Variants in LAMA2 observed in about 807,000 individuals in gnomAD.
The protein encoded by LAMA2 is laminin subunit alpha 2.
A neutral mutation model predicts 364.8 loss-of-function variants in LAMA2; 269 were observed. The ratio of observed to expected loss-of-function variants is 0.74; its 90% CI spans 0.67 to 0.82. LAMA2 has a LOEUF of 0.82. Among genes scored for constraint, LAMA2 ranks in the 40% least tolerant of loss-of-function variants. The probability of loss-of-function intolerance (pLI) is 0.00; values close to 1 mark genes in which losing one functional copy is unlikely to be tolerated. For synonymous variants in LAMA2, 1,379 were observed against 1,370.6 expected, an observed-to-expected ratio of 1.01 and a Z score of -0.14; for missense variants, 3,807 against 3,873.2, an observed-to-expected ratio of 0.98 and a Z score of 0.45.
intron 12 of LAMA2, among the ~76,000 whole-genome samples, chr6:129,202,319 T>C (rs1782355781): frequency 1.3e-5 from 2 of 151,988 alleles, no homozygotes; most frequent in Admixed American, 1.3e-4. Flanking sequence ...CTAAAACTTA[T>C]ATGCTGGAAC....
chr6:129,069,879 A>C (rs1021642407), intron 3 of LAMA2, among the ~76,000 whole-genome samples: 1 of 150,008 alleles, frequency 6.7e-6, no homozygotes, highest in African/African-American at 2.4e-5. Context: ...TGTATTAGCT[A>C]TATGTATTTA....
chr6:129,494,079 C>T lies in LAMA2; in HGVS notation c.8244+1596C>T, dbSNP rs1416285469. On this transcript the variant is annotated intron_variant, in intron 58 of 64. Transcript: ENST00000421865. ...TTCAATACACATACCTGAATTGTTT[C>T]TTCCACAGGCTATGCCAATTTACAT... Among the ~76,000 whole-genome samples, 8 of 152,326 alleles carry T rather than the reference C, an allele frequency of 5.3e-5. No homozygotes were observed. The East Asian group carries it at 1.5e-3, about 29-fold the overall frequency.
chr6:129,434,295 C>T (rs553958255), intron 41 of LAMA2, among the ~76,000 whole-genome samples: 1 of 152,294 alleles, frequency 6.6e-6, no homozygotes, highest in East Asian at 1.9e-4. Flanking sequence ...TCGACCCTTG[C>T]TACTCTGCTG....
chr6:129,274,998 T>C (rs1347158698), intron 17 of LAMA2, among the ~76,000 whole-genome samples: 1 of 151,996 alleles, frequency 6.6e-6, no homozygotes. Flanking sequence ...AGATAGGACC[T>C]CAATAAGTTC....
At chr6:129,306,271 T>A (rs926275490) in intron 22 of LAMA2, among the ~76,000 whole-genome samples, 1 of 151,184 alleles carries the variant, frequency 6.6e-6, no homozygotes, top group Non-Finnish European at 1.5e-5. Context: ...ATCTTTATCA[T>A]TTTATTCCTG....
intron 3 of LAMA2, among the ~76,000 whole-genome samples, chr6:129,087,687 C>A (rs1004775413): frequency 2.0e-5 from 3 of 151,882 alleles, no homozygotes; most frequent in African/African-American, 7.3e-5. Context: ...ATTTTGCAAG[C>A]AGGTTATAAT....
chr6:129,014,964 C>T (rs1424447420), intron 1 of LAMA2, among the ~76,000 whole-genome samples: 1 of 151,806 alleles, frequency 6.6e-6, no homozygotes, highest in Admixed American at 6.6e-5. Context: ...ACTATTTAGC[C>T]TTAGAGCTTT....
chr6:129,457,047 CT>C (rs1471926453), intron 48 of LAMA2, among the ~76,000 whole-genome samples: 3 of 152,066 alleles, frequency 2.0e-5, no homozygotes, highest in African/African-American at 7.2e-5. Context: ...TTTAAAGAAG[CT>C]TGTGTTGATT....
intron 17 of LAMA2, among the ~76,000 whole-genome samples, chr6:129,276,380 A>G (rs1211341665): frequency 1.3e-5 from 2 of 152,186 alleles, no homozygotes; most frequent in African/African-American, 4.8e-5. Flanking sequence ...TTTATATCAC[A>G]TACAATCCCA....
At chr6:129,148,220 G>A (rs771777047) in intron 6 of LAMA2, among the ~76,000 whole-genome samples, 9 of 151,996 alleles carry the variant, frequency 5.9e-5, no homozygotes, top group Non-Finnish European at 1.3e-4. Flanking sequence ...GGATGAAGCT[G>A]GAAACCATGG....
chr6:128,917,734 C>CTT lies in LAMA2; in HGVS notation c.112+34393_112+34394dup, dbSNP rs147581913. Among the ~76,000 whole-genome samples the CTT allele has an allele frequency of 1.7e-3, 192 of 111,740 alleles. 2 individuals carry two copies. The highest frequency in any genetic ancestry group is 6.6e-3 in the African/African-American group (181 of 27,598). 73.3% of individuals were successfully genotyped at this position (111,740 alleles called of 152,430 possible). On this transcript the variant is annotated intron_variant, in intron 1 of 64. Transcript: ENST00000421865. ...TCTTTCTTTCTTTCTTTCTTTCTTT[C>CTT]TTTTTTTTTTTTTTTTTGAGACAGG...
chr6:129,364,813 C>T (rs1045084459), intron 32 of LAMA2, among the ~76,000 whole-genome samples: 4 of 152,178 alleles, frequency 2.6e-5, no homozygotes, highest in South Asian at 4.1e-4. Context: ...GTATAATTGG[C>T]TCATGGTTCC....
chr6:129,501,681 T>A (rs1024071341), intron 58 of LAMA2, among the ~76,000 whole-genome samples: 2 of 152,148 alleles, frequency 1.3e-5, no homozygotes, highest in Non-Finnish European at 2.9e-5. Context: ...GTGCAGATCT[T>A]AAAAACAGAT....
intron 7 of LAMA2, among the ~76,000 whole-genome samples, chr6:129,149,598 A>G (rs1778674048): frequency 1.3e-5 from 2 of 152,178 alleles, no homozygotes; most frequent in Non-Finnish European, 2.9e-5. Flanking sequence ...TTTATCATGT[A>G]CAATGTGTCA....
At chr6:129,390,727 G>A (rs1216918868) in intron 35 of LAMA2, among the ~76,000 whole-genome samples, 1 of 151,992 alleles carries the variant, frequency 6.6e-6, no homozygotes, top group African/African-American at 2.4e-5. Context: ...ACTTTTATTT[G>A]ACGTAGAATT....
chr6:129,480,209 A>G (rs1249872525), intron 54 of LAMA2, among the ~76,000 whole-genome samples: 1 of 152,186 alleles, frequency 6.6e-6, no homozygotes, highest in Non-Finnish European at 1.5e-5. Context: ...CAGATTATAC[A>G]TTTTACCAGC....
intron 12 of LAMA2, among the ~76,000 whole-genome samples, chr6:129,241,236 A>G (rs929237825): frequency 1.3e-5 from 2 of 152,208 alleles, no homozygotes; most frequent in African/African-American, 4.8e-5. Flanking sequence ...TGCAAGATCT[A>G]CTATCTATAA....
At chr6:129,097,673 A>G (rs1775269205) in intron 3 of LAMA2, among the ~76,000 whole-genome samples, 1 of 152,204 alleles carries the variant, frequency 6.6e-6, no homozygotes, top group Admixed American at 6.5e-5. Context: ...CCACAATCTG[A>G]ACATAGGAAT....
Position 129,315,800 on chromosome 6 carries a change from T to C in LAMA2, c.3774T>C (p.Tyr1258=). Residue 1258 remains tyrosine (Y), a synonymous_variant, in exon 26 of 65, where the codon TAT becomes TAC. Coordinates refer to ENST00000421865, the MANE Select transcript of LAMA2 (RefSeq NM_000426.4). ...GGGGCAAACTCAAGTATGCAATCTATTTCGAGGCTCGGGAAGAAACAGGTT... is the reference window on the plus strand; with the variant it reads ...GGGGCAAACTCAAGTATGCAATCTACTTCGAGGCTCGGGAAGAAACAGGTT... The part of the protein sequence containing the change: ...AYGGKLKYAI[Y]FEAREETGFS... The C allele has an allele frequency of 6.2e-7, 1 of 1,614,172 alleles. No individual in the cohort carries two copies. Among genetic ancestry groups the C allele is most frequent in the Non-Finnish European group, 8.5e-7 (1 of 1,180,036 alleles).
Sources: allele counts gnomAD v4.1 joint callset (sites outside exome capture counted in the v4.1 genomes callset), GRCh38; gene constraint gnomAD v4.1.1; transcripts MANE v1.5; gene names NCBI Gene and HGNC (gene_info 2026-07-23, HGNC 2026-07-21).